The following SIRPB2 variants were observed in gnomAD, a reference collection of about 807,000 sequenced individuals.
SIRPB2 encodes the protein signal-regulatory protein beta-2.
Under a neutral mutation model 27.1 loss-of-function variants are expected in SIRPB2, and 18 were observed. The observed-to-expected ratio is 0.66, with a 90% CI of 0.46 to 0.98. The LOEUF (loss-of-function observed/expected upper bound fraction) is 0.98, where lower values mean the gene tolerates loss of function less well. Among genes scored for constraint, SIRPB2 ranks in the 50% least tolerant of loss-of-function variants. The pLI is 0.00. For synonymous variants in SIRPB2, 150 were observed against 164.6 expected, an observed-to-expected ratio of 0.91 and a Z score of 0.68; for missense variants, 420 against 417.4, an observed-to-expected ratio of 1.01 and a Z score of -0.06.
In SIRPB2 at chr20:1,474,577, CTTT is replaced by C. The variant is rs991052787; in HGVS notation, c.*1587_*1589del. 3.4e-5 allele frequency: 5 copies of C among 145,644 alleles called. No homozygotes were observed. The highest frequency in any genetic ancestry group is 1.0e-4 in the African/African-American group (4 of 39,876). 9.0% of individuals were successfully genotyped at this position (145,644 alleles called of 1,614,324 possible). On this transcript the variant is annotated 3_prime_UTR_variant, in exon 5 of 5. Transcript: ENST00000359801. The stretch of plus-strand genomic sequence containing the variant: ...CAGTAAATGCAGAATTGAATTGGTT[CTTT>C]TTTTTTTTTTGAGACGGAGTTTTGC...
chr20:1,476,963 C>T (rs755181882), intron 4 of SIRPB2: 58 of 1,208,612 alleles, frequency 4.8e-5, no homozygotes, highest in Admixed American at 7.3e-5. Flanking sequence ...ACTCAAGGGG[C>T]GAGAACCTGC....
chr20:1,479,963 A>T lies in SIRPB2; in HGVS notation c.188T>A (p.Val63Asp). ...GETLLLRCMV[V>D]GSCTDGMIKW... is the part of the protein sequence containing the mutation. ...TATCATACCATCAGTGCAGGAGCCG[A>T]CCACCATACACCTCAGTAGAAGTGT... The change falls in exon 2 of 5, where the codon GTC (valine) becomes GAC (aspartate). Residue 63 changes from valine to aspartate, a missense_variant. Transcript: ENST00000359801. The T allele has an allele frequency of 1.2e-6, 2 of 1,614,174 alleles. No homozygotes were observed. The highest frequency in any genetic ancestry group is 8.5e-7 in the Non-Finnish European group (1 of 1,180,036).
rs377158391 is a variant in SIRPB2 at position 1,482,832 on chromosome 20, AT to A, written c.86-2768del. On this transcript the variant is annotated intron_variant, in intron 1 of 4. Coordinates refer to ENST00000359801, the MANE Select transcript of SIRPB2 (RefSeq NM_001122962.2). The stretch of plus-strand genomic sequence containing the variant: ...GTGCTTGGGGACACTATATATATGT[AT>A]TTTTTTTATCAATTCATCCATTGAT... Among the ~76,000 whole-genome samples the A allele has an allele frequency of 4.7e-3, 709 of 151,246 alleles. 10 individuals are homozygous for A. The highest frequency in any genetic ancestry group is 0.016 in the African/African-American group (666 of 40,940).
intron 1 of SIRPB2, 105 bp from the exon 2 acceptor site, chr20:1,480,170 A>T: frequency 1.4e-6 from 2 of 1,381,336 alleles, no homozygotes; most frequent in Non-Finnish European, 1.9e-6. Context: ...ACAATGGCCC[A>T]GGATAAGACA....
intron 4 of SIRPB2, 189 bp downstream of exon 4, chr20:1,477,149 G>C: frequency 6.4e-7 from 1 of 1,553,136 alleles, no homozygotes; most frequent in South Asian, 1.2e-5. Context: ...GAGAAAGTTC[G>C]TTATAGCTGA....
chr20:1,479,925 C>G lies in SIRPB2; in HGVS notation c.226G>C (p.Val76Leu). 1 of 1,614,218 alleles carries G rather than the reference C, an allele frequency of 6.2e-7. No homozygotes were observed. Residue 76 changes from valine (V) to leucine (L), a missense_variant, in exon 2 of 5, where the codon GTG becomes CTG. Physicochemically the swap from Val to Leu is conservative, Grantham distance 32 (BLOSUM62 1). Transcript: ENST00000359801. ...CTDGMIKWVK[V>L]STQDQQEIYN... ...ATTTCCTGTTGGTCCTGAGTGCTCA[C>G]CTTCACCCATTTTATCATACCATCA...
intron 2 of SIRPB2, among the ~76,000 whole-genome samples, chr20:1,478,942 C>T (rs983641757): frequency 1.3e-5 from 2 of 152,236 alleles, no homozygotes; most frequent in Admixed American, 6.5e-5. Flanking sequence ...ACCATCATAG[C>T]TCGGAAGAAG....
Position 1,477,400 on chromosome 20 carries a change from T to C in SIRPB2, c.797A>G (p.Lys266Arg). ...GQGTSLKVKA[K>R]STSSKEAEFT... is the part of the protein sequence containing the mutation. ...TTCTGCCTCTTTGGAAGAGGTAGAT[T>C]TTGCTGCAAGGGAGAGAGGCTTTGT... is the stretch of plus-strand genomic sequence containing the variant. The change falls in exon 4 of 5, where the codon AAA becomes AGA. Residue 266 changes from lysine (K) to arginine (R), a missense_variant. Lys to Arg is a conservative substitution (Grantham distance 26). Coordinates refer to ENST00000359801, the MANE Select transcript of SIRPB2 (RefSeq NM_001122962.2). The C allele has an allele frequency of 6.2e-7, 1 of 1,612,284 alleles. No homozygotes were observed. The highest frequency in any genetic ancestry group is 8.5e-7 in the Non-Finnish European group (1 of 1,178,638).
chr20:1,487,110 G>A (rs1458311068), intron 1 of SIRPB2, among the ~76,000 whole-genome samples: 1 of 152,128 alleles, frequency 6.6e-6, no homozygotes, highest in African/African-American at 2.4e-5. Flanking sequence ...TAATAAATGA[G>A]CTTAGCAAGG....
intron 1 of SIRPB2, 185 bp from the exon 2 acceptor site, chr20:1,480,250 G>T: frequency 1.4e-6 from 1 of 737,030 alleles, no homozygotes; most frequent in Non-Finnish European, 2.1e-6. Context: ...ACTGAGCTAT[G>T]CAATGGCAAA....
At chr20:1,473,634 G>C (rs1195809064), downstream of SIRPB2, among the ~76,000 whole-genome samples, 1 of 152,180 alleles carries the variant, frequency 6.6e-6, no homozygotes, top group Non-Finnish European at 1.5e-5. Flanking sequence ...GCAGAGACTT[G>C]AATGAATCAG....
chr20:1,476,949 C>A, intron 4 of SIRPB2: 1 of 1,195,970 alleles, frequency 8.4e-7, no homozygotes, highest in Non-Finnish European at 1.1e-6. Context: ...GAGTCAGATA[C>A]CAGACTCAAG....
chr20:1,491,015 C>T (rs911081512), intron 1 of SIRPB2, among the ~76,000 whole-genome samples: 3 of 152,196 alleles, frequency 2.0e-5, no homozygotes, highest in African/African-American at 7.2e-5. Flanking sequence ...AAAAGAGCTG[C>T]AGCATCTGAC....
chr20:1,491,295 G>T lies in SIRPB2; in HGVS notation c.65C>A (p.Ala22Glu). The T allele has an allele frequency of 6.2e-7, 1 of 1,611,780 alleles. No individual in the cohort carries two copies. The highest frequency in any genetic ancestry group is 1.1e-5 in the South Asian group (1 of 90,418). Residue 22 changes from alanine to glutamate, a missense_variant, in exon 1 of 5, where the codon GCA (alanine) becomes GAA (glutamate). Coordinates refer to ENST00000359801, the MANE Select transcript of SIRPB2 (RefSeq NM_001122962.2). ...CTTACCTGAGGGGACAAGGACCAGT[G>T]CCAGCAGCAGGAAGCAGGGAGGCAA... ...AHLPPCFLLL[A>E]LVLVPSDASG...
chr20:1,477,430 C>T, intron 3 of SIRPB2, 27 bp from the exon 4 acceptor site: 2 of 1,596,926 alleles, frequency 1.3e-6, no homozygotes, highest in Middle Eastern at 1.7e-4. Context: ...CTTTGTCATA[C>T]TTCCCTTTAT....
intron 1 of SIRPB2, among the ~76,000 whole-genome samples, chr20:1,486,713 C>A (rs543992525): frequency 6.6e-6 from 1 of 152,128 alleles, no homozygotes; most frequent in Admixed American, 6.5e-5. Context: ...CACACACACA[C>A]GCATATACAT....
At chr20:1,480,649 C>T (rs550316013) in intron 1 of SIRPB2, among the ~76,000 whole-genome samples, 4 of 152,222 alleles carry the variant, frequency 2.6e-5, no homozygotes, top group South Asian at 2.1e-4. Flanking sequence ...AGAAGGTGGC[C>T]GTCTATAGGC....
downstream of SIRPB2, chr20:1,472,981 G>A (rs2090585784): frequency 6.6e-6 from 1 of 152,182 alleles, no homozygotes. Context: ...CTGCTCAAAT[G>A]TCACTTTATC....
At chr20:1,480,231 A>G in intron 1 of SIRPB2, 166 bp from the exon 2 acceptor site, 1 of 922,994 alleles carries the variant, frequency 1.1e-6, no homozygotes, top group Non-Finnish European at 1.6e-6. Context: ...GGCTGGCTGC[A>G]GAGAGAGAAC....
Sources: gnomAD v4.1 joint callset for allele counts (sites outside exome capture counted in the v4.1 genomes callset) on GRCh38, gnomAD v4.1.1 for gene constraint, MANE v1.5 for transcripts, NCBI Gene and HGNC (gene_info 2026-07-23, HGNC 2026-07-21) for gene names.